KCND2: variants seen among roughly 807,000 people sequenced by gnomAD.
KCND2 encodes A-type voltage-gated potassium channel KCND2.
Under a neutral mutation model 54.4 loss-of-function variants are expected in KCND2, and 16 were observed. That is an observed-to-expected ratio of 0.29 (90% CI 0.20 to 0.45). The LOEUF (loss-of-function observed/expected upper bound fraction) is 0.45, where lower values mean the gene tolerates loss of function less well. KCND2 is among the 20% of genes least tolerant of loss of function. The pLI is 1.00. For missense variants in KCND2, 486 were observed against 824.2 expected, an observed-to-expected ratio of 0.59 and a Z score of 5.02; for synonymous variants, 317 against 310.7, an observed-to-expected ratio of 1.02 and a Z score of -0.21.
Position 120,278,302 on chromosome 7 carries a change from C to G in KCND2, c.1115+2555C>G, listed in dbSNP as rs552576378. Among the ~76,000 whole-genome samples, 16 of 151,910 alleles carry G rather than the reference C, an allele frequency of 1.1e-4. No individual in the cohort carries two copies. In the South Asian group the frequency reaches 3.3e-3, roughly 31 times the overall value. On this transcript the variant is annotated intron_variant, in intron 1 of 5. Transcript: ENST00000331113. ...CCATTGCCTAACTTTATTGTTTAGGCTGTAGTTCTATACTTAGAGGATGAA... is the reference window on the plus strand; with the variant it reads ...CCATTGCCTAACTTTATTGTTTAGGGTGTAGTTCTATACTTAGAGGATGAA...
chr7:120,330,342 G>A (rs1800047030), intron 1 of KCND2, among the ~76,000 whole-genome samples: 1 of 152,086 alleles, frequency 6.6e-6, no homozygotes, highest in Admixed American at 6.6e-5. Flanking sequence ...CACTTTGGGA[G>A]GCTGAAGCAG....
intron 1 of KCND2, among the ~76,000 whole-genome samples, chr7:120,592,997 T>C (rs937905041): frequency 1.2e-4 from 18 of 152,178 alleles, no homozygotes; most frequent in African/African-American, 1.9e-4. Context: ...TTGTCAAAAC[T>C]TACAGAGAAA....
intron 1 of KCND2, among the ~76,000 whole-genome samples, chr7:120,407,539 A>G (rs933425162): frequency 6.6e-6 from 1 of 151,966 alleles, no homozygotes; most frequent in Non-Finnish European, 1.5e-5. Context: ...GTGGTATTGG[A>G]TAATATACTC....
At chr7:120,350,559 CAA>C (rs1330760806) in intron 1 of KCND2, among the ~76,000 whole-genome samples, 1 of 152,090 alleles carries the variant, frequency 6.6e-6, no homozygotes, top group African/African-American at 2.4e-5. Flanking sequence ...ATAAAGCAGA[CAA>C]GAGCACATAA....
chr7:120,696,883 A>G (rs749783511), intron 1 of KCND2, among the ~76,000 whole-genome samples: 1 of 152,228 alleles, frequency 6.6e-6, no homozygotes, highest in Non-Finnish European at 1.5e-5. Flanking sequence ...CAGGTATTCC[A>G]TTACAGCAAC....
intron 1 of KCND2, among the ~76,000 whole-genome samples, chr7:120,590,896 A>G (rs1009462794): frequency 2.6e-5 from 4 of 151,960 alleles, no homozygotes; most frequent in African/African-American, 9.7e-5. Context: ...AATTTTTTTT[A>G]TGTTTCAGTA....
intron 1 of KCND2, among the ~76,000 whole-genome samples, chr7:120,352,459 T>TACAC (rs199700951): frequency 4.7e-5 from 7 of 148,112 alleles, no homozygotes; most frequent in African/African-American, 1.8e-4. Flanking sequence ...CACACATACA[T>TACAC]ACACACACAC....
rs371100864 is a variant in KCND2 at position 120,602,794 on chromosome 7, C to T, written c.1116-130109C>T. Among the ~76,000 whole-genome samples the T allele has an allele frequency of 6.0e-4, 92 of 152,260 alleles. 1 individual carries two copies. In the Middle Eastern group the frequency reaches 0.01, roughly 17 times the overall value. ...TCTTCTCCAGTTGTTTCTGTGGATA[C>T]ATTTTAAACATATTCTTGAAATAAA... On this transcript the variant is annotated intron_variant, in intron 1 of 5. Transcript: ENST00000331113.
At chr7:120,588,880 T>C (rs1039836544) in intron 1 of KCND2, among the ~76,000 whole-genome samples, 7 of 152,236 alleles carry the variant, frequency 4.6e-5, no homozygotes, top group Non-Finnish European at 5.9e-5. Flanking sequence ...GACAGAATTT[T>C]ACTCAATAAA....
At chr7:120,432,304 A>T (rs1801802941) in intron 1 of KCND2, among the ~76,000 whole-genome samples, 1 of 152,186 alleles carries the variant, frequency 6.6e-6, no homozygotes, top group Non-Finnish European at 1.5e-5. Flanking sequence ...AGGTGTGTTT[A>T]TAGTAGTATA....
rs114086774 is a variant in KCND2, at chr7:120,556,373, C to T, written c.1116-176530C>T. On this transcript the variant is annotated intron_variant, in intron 1 of 5. Coordinates refer to ENST00000331113, the MANE Select transcript of KCND2 (RefSeq NM_012281.3). The stretch of plus-strand genomic sequence containing the variant: ...CTGACTTCCTACCAGATTAAGGTGA[C>T]CCAGCCATTCTGCATGCATAATTAC... 6.1e-3 allele frequency among the ~76,000 whole-genome samples: 936 copies of T among 152,264 alleles called. 10 individuals are homozygous for T. Among genetic ancestry groups the T allele is most frequent in the African/African-American group, 0.021 (867 of 41,544 alleles).
chr7:120,747,873 G>T lies in KCND2; in HGVS notation c.*15G>T. ...CTGCTTTGTAAGACAATTGGAATAA[G>T]GTCTAAGAGAATTCGAGCCCTGGCT... On this transcript the variant is annotated 3_prime_UTR_variant, in exon 6 of 6. Coordinates refer to ENST00000331113, the MANE Select transcript of KCND2 (RefSeq NM_012281.3). The T allele has an allele frequency of 6.3e-7, 1 of 1,596,710 alleles. No homozygotes were observed. The highest frequency in any genetic ancestry group is 8.6e-7 in the Non-Finnish European group (1 of 1,165,694).
intron 1 of KCND2, among the ~76,000 whole-genome samples, chr7:120,328,449 A>G (rs529338530): frequency 6.6e-6 from 1 of 152,266 alleles, no homozygotes; most frequent in East Asian, 1.9e-4. Context: ...GTAACTTTCC[A>G]ATGCCATTCA....
At chr7:120,338,191 G>A (rs974858091) in intron 1 of KCND2, among the ~76,000 whole-genome samples, 7 of 151,974 alleles carry the variant, frequency 4.6e-5, no homozygotes, top group African/African-American at 1.7e-4. Context: ...GTGTCTTAGT[G>A]TGGTACGCTA....
chr7:120,290,101 A>G (rs140990766), intron 1 of KCND2, among the ~76,000 whole-genome samples: 108 of 152,132 alleles, frequency 7.1e-4, no homozygotes, highest in African/African-American at 2.6e-3. Context: ...CTTTAGTTAA[A>G]ATCTCCCCCA....
At chr7:120,332,143 A>T (rs1800078850) in intron 1 of KCND2, among the ~76,000 whole-genome samples, 1 of 152,068 alleles carries the variant, frequency 6.6e-6, no homozygotes. Flanking sequence ...AATACCTATT[A>T]CAATGGCATT....
At chr7:120,558,993 C>CTGTGTG (rs34908580) in intron 1 of KCND2, among the ~76,000 whole-genome samples, 33 of 149,012 alleles carry the variant, frequency 2.2e-4, no homozygotes, top group South Asian at 4.2e-4. Context: ...TCACAAAGTA[C>CTGTGTG]TGTGTGTGTG....
At chr7:120,610,170 T>G (rs1055655505) in intron 1 of KCND2, among the ~76,000 whole-genome samples, 19 of 152,066 alleles carry the variant, frequency 1.2e-4, no homozygotes, top group Admixed American at 9.8e-4. Flanking sequence ...GCCCTTAACT[T>G]GAAGCTACAG....
chr7:120,730,380 G>T (rs190727366), intron 1 of KCND2, among the ~76,000 whole-genome samples: 1 of 152,272 alleles, frequency 6.6e-6, no homozygotes, highest in East Asian at 1.9e-4. Flanking sequence ...TATGTACACA[G>T]CATTGTATAA....
Sources: gnomAD v4.1 joint callset for allele counts (sites outside exome capture counted in the v4.1 genomes callset) on GRCh38, gnomAD v4.1.1 for gene constraint, MANE v1.5 for transcripts, NCBI Gene and HGNC (gene_info 2026-07-23, HGNC 2026-07-21) for gene names.